Variants in PCDH15 observed in about 807,000 individuals in gnomAD.
PCDH15 encodes the protein protocadherin-15.
Under a neutral mutation model 178.5 loss-of-function variants are expected in PCDH15, and 129 were observed. The observed-to-expected ratio is 0.72, with a 90% confidence interval of 0.63 to 0.84. The LOEUF (loss-of-function observed/expected upper bound fraction) is 0.84. Among genes scored for constraint, PCDH15 ranks in the 40% least tolerant of loss-of-function variants. The pLI is 0.00. For missense variants in PCDH15, 2,230 were observed against 2,099.9 expected (o/e 1.06, Z -1.21); for synonymous variants, 800 against 732.0 (o/e 1.09, Z -1.50).
chr10:53,837,245 G>GA (rs1170236423), intron 29 of PCDH15, among the ~76,000 whole-genome samples: 1 of 151,602 alleles, frequency 6.6e-6, no homozygotes, highest in Non-Finnish European at 1.5e-5. Context: ...AATAAAAAAA[G>GA]AAAAAACTCA....
At chr10:55,592,727 T>C (rs1337625699) in intron 2 of PCDH15, among the ~76,000 whole-genome samples, 1 of 152,138 alleles carries the variant, frequency 6.6e-6, no homozygotes, top group East Asian at 1.9e-4. Context: ...GCTGACTTGA[T>C]AGGAATTTAG....
intron 15 of PCDH15, among the ~76,000 whole-genome samples, chr10:54,098,733 A>T (rs763557693): frequency 2.6e-5 from 4 of 152,178 alleles, no homozygotes; most frequent in Non-Finnish European, 5.9e-5. Flanking sequence ...GTGACAGAGA[A>T]TCCTAGCCCT....
chr10:55,304,715 C>T (rs1843374152), intron 1 of PCDH15, among the ~76,000 whole-genome samples: 1 of 152,126 alleles, frequency 6.6e-6, no homozygotes, highest in Non-Finnish European at 1.5e-5. Context: ...TCAGTTTGAA[C>T]TAATTCCAGT....
At chr10:54,915,507 A>C (rs1182694713) in intron 2 of PCDH15, among the ~76,000 whole-genome samples, 1 of 152,186 alleles carries the variant, frequency 6.6e-6, no homozygotes, top group Non-Finnish European at 1.5e-5. Flanking sequence ...CATGCTCTAC[A>C]TATAAAATTA....
chr10:54,874,145 C>T (rs7900865), intron 3 of PCDH15, among the ~76,000 whole-genome samples: 8,504 of 22,490 alleles, frequency 0.38, 2,037 homozygotes, highest in East Asian at 0.47. Flanking sequence ...ACAACAGTCC[C>T]CAGAGTGTGA....
chr10:54,339,110 T>C (rs868343867), intron 6 of PCDH15, among the ~76,000 whole-genome samples: 4 of 152,344 alleles, frequency 2.6e-5, no homozygotes, highest in Non-Finnish European at 4.4e-5. Flanking sequence ...ACAGGCTACA[T>C]GGGGCCCAGG....
intron 28 of PCDH15, among the ~76,000 whole-genome samples, chr10:53,846,349 T>A (rs2077977931): frequency 6.6e-6 from 1 of 151,924 alleles, no homozygotes; most frequent in Non-Finnish European, 1.5e-5. Flanking sequence ...TCTATTTAAT[T>A]ATGTCACCTT....
intron 2 of PCDH15, among the ~76,000 whole-genome samples, chr10:55,383,838 A>T (rs928903513): frequency 6.6e-6 from 1 of 152,144 alleles, no homozygotes; most frequent in African/African-American, 2.4e-5. Context: ...TTTTCCTCTT[A>T]TATCTGAAGA....
chr10:53,957,312 T>A (rs532882090), intron 23 of PCDH15, among the ~76,000 whole-genome samples: 1 of 152,254 alleles, frequency 6.6e-6, no homozygotes, highest in East Asian at 1.9e-4. Context: ...CTGATCTAGA[T>A]AATTTAGTGA....
In PCDH15 at chr10:54,593,720, G is replaced by A. The variant is rs531239100; in HGVS notation, c.92-65843C>T. ...TCCTATTTCTGTAAAGAATGCCATTGGAATTTTGACAGGGATTGCATGAAC... is the reference window on the plus strand; with the variant it reads ...TCCTATTTCTGTAAAGAATGCCATTAGAATTTTGACAGGGATTGCATGAAC... On this transcript the variant is annotated intron_variant, in intron 2 of 37. Transcript: ENST00000644397. Among the ~76,000 whole-genome samples the A allele has an allele frequency of 3.9e-5, 6 of 152,142 alleles. No individual in the cohort carries two copies. The South Asian group carries it at 1.0e-3, about 26-fold the overall frequency.
chr10:54,413,661 G>T (rs758585698), intron 3 of PCDH15, among the ~76,000 whole-genome samples: 1 of 152,090 alleles, frequency 6.6e-6, no homozygotes, highest in Non-Finnish European at 1.5e-5. Context: ...TCAGCCAGCT[G>T]ACCAATAAAT....
intron 2 of PCDH15, among the ~76,000 whole-genome samples, chr10:55,612,506 T>C (rs1843389142): frequency 6.6e-6 from 1 of 152,090 alleles, no homozygotes; most frequent in African/African-American, 2.4e-5. Context: ...AAGATCTTAT[T>C]AGAGGAAGAA....
intron 2 of PCDH15, among the ~76,000 whole-genome samples, chr10:55,582,628 A>ATATTTT (rs780312007): frequency 2.2e-4 from 15 of 69,036 alleles, no homozygotes; most frequent in African/African-American, 6.0e-4. Flanking sequence ...ATATATATAT[A>ATATTTT]TTTTTTTTTT....
chr10:55,134,751 T>C (rs7071000), intron 2 of PCDH15, among the ~76,000 whole-genome samples: 26,248 of 152,164 alleles, frequency 0.17, 3,641 homozygotes, highest in African/African-American at 0.39. Flanking sequence ...CAACAGTTCA[T>C]GTGAGTTTTC....
At chr10:54,408,351 T>C (rs1233269770) in intron 3 of PCDH15, among the ~76,000 whole-genome samples, 1 of 152,106 alleles carries the variant, frequency 6.6e-6, no homozygotes, top group East Asian at 1.9e-4. Context: ...ATAGTCTCAT[T>C]ACAAACTATA....
At chr10:55,250,012 G>T (rs1841792526) in intron 1 of PCDH15, among the ~76,000 whole-genome samples, 5 of 151,996 alleles carry the variant, frequency 3.3e-5, no homozygotes, top group Admixed American at 3.3e-4. Flanking sequence ...CTGGTGCATG[G>T]ATATATAGAT....
chr10:55,617,621 T>C (rs1843505594), intron 2 of PCDH15, among the ~76,000 whole-genome samples: 2 of 152,016 alleles, frequency 1.3e-5, no homozygotes, highest in African/African-American at 4.8e-5. Context: ...TGCAAGCATA[T>C]CCAGATAAAC....
intron 2 of PCDH15, among the ~76,000 whole-genome samples, chr10:55,562,516 C>T (rs1842221259): frequency 6.6e-6 from 1 of 151,800 alleles, no homozygotes; most frequent in Non-Finnish European, 1.5e-5. Flanking sequence ...TGTATAAACC[C>T]AGCTTTGTCA....
chr10:53,861,547 T>C (rs1365494158), intron 27 of PCDH15, among the ~76,000 whole-genome samples: 1 of 152,154 alleles, frequency 6.6e-6, no homozygotes, highest in Non-Finnish European at 1.5e-5. Context: ...AGAAATACAA[T>C]GTGAGCCACG....
Sources: gnomAD v4.1 joint callset for allele counts (sites outside exome capture counted in the v4.1 genomes callset) on GRCh38, gnomAD v4.1.1 for gene constraint, MANE v1.5 for transcripts, NCBI Gene and HGNC (gene_info 2026-07-23, HGNC 2026-07-21) for gene names.